Variants in PSTPIP1 observed in about 807,000 individuals in gnomAD.
PSTPIP1 encodes the protein proline-serine-threonine phosphatase interacting protein 1, also known as proline-serine-threonine phosphatase-interacting protein 1.
A neutral mutation model predicts 69.6 loss-of-function variants in PSTPIP1; 66 were observed. The ratio of observed to expected loss-of-function variants is 0.95; its 90% CI spans 0.78 to 1.16. PSTPIP1 has a LOEUF of 1.16. Ranked by LOEUF, PSTPIP1 falls within the 50% of genes most tolerant of loss-of-function variation. The probability of loss-of-function intolerance (pLI) is 0.00; values close to 1 mark genes in which losing one functional copy is unlikely to be tolerated. For synonymous variants in PSTPIP1, 266 were observed against 222.7 expected, an observed-to-expected ratio of 1.19 and a Z score of -1.73; for missense variants, 603 against 557.4, an observed-to-expected ratio of 1.08 and a Z score of -0.82.
chr15:77,028,734 C>CTT, intron 7 of PSTPIP1, 82 bp downstream of exon 7: 1 of 1,208,526 alleles, frequency 8.3e-7, no homozygotes, highest in Non-Finnish European at 1.1e-6. Flanking sequence ...GTAGACACCC[C>CTT]CAGGCAAGAT....
At position 77,037,272 on chromosome 15, in the gene PSTPIP1, CCCCCAG is replaced by C; in HGVS notation, c.*101_*106del. The C allele has an allele frequency of 6.9e-7, 1 of 1,456,586 alleles. No individual in the cohort carries two copies. The highest frequency in any genetic ancestry group is 2.5e-5 in the East Asian group (1 of 39,590). The allele number at this position is 1,456,586 out of a possible 1,614,324, so 90.2% of individuals were successfully genotyped here. A position where few individuals can be genotyped will look rare whatever the true frequency, so the allele number is the denominator to read the frequency against. ...CTTGCTAGGGCCCAGAACCAAGCGT[CCCCCAG>C]CCCCGAGAGGGAGCCTGTCGTCTCC... On this transcript the variant is annotated 3_prime_UTR_variant, in exon 15 of 15. Coordinates refer to ENST00000558012, the MANE Select transcript of PSTPIP1 (RefSeq NM_003978.5).
chr15:76,996,625 C>A (rs2075586309), intron 1 of PSTPIP1, among the ~76,000 whole-genome samples: 1 of 152,262 alleles, frequency 6.6e-6, no homozygotes, highest in Non-Finnish European at 1.5e-5. Flanking sequence ...TCCCTTCCGG[C>A]CGGCTCCACT....
upstream of PSTPIP1, chr15:76,994,938 C>A: frequency 8.0e-7 from 1 of 1,250,358 alleles, no homozygotes; most frequent in Non-Finnish European, 1.0e-6. Flanking sequence ...CCCCTCCTGG[C>A]CACACTGTCA....
At chr15:77,016,587 C>A (rs757507821) in intron 1 of PSTPIP1, among the ~76,000 whole-genome samples, 29 of 152,042 alleles carry the variant, frequency 1.9e-4, no homozygotes, top group Non-Finnish European at 3.1e-4. Flanking sequence ...CTGGACCAGG[C>A]CCTCCTCAGG....
rs575616847 is a variant in PSTPIP1 at position 77,027,006 on chromosome 15, G to C, written c.355-846G>C. On this transcript the variant is annotated intron_variant, in intron 5 of 14. Coordinates refer to ENST00000558012, the MANE Select transcript of PSTPIP1 (RefSeq NM_003978.5). This position sits in a 1 kb window ranked among gnomAD's most constrained non-coding sequence, Gnocchi z 4.3. ...TGAGCCTGTGTGTGTATGTGCGTGT[G>C]CCACAGAGCAAGGACATGTGCTTAC... 6.6e-6 allele frequency among the ~76,000 whole-genome samples: 1 copy of C among 152,382 alleles called. No homozygotes were observed. The highest frequency in any genetic ancestry group is 1.9e-4 in the East Asian group (1 of 5,190).
At chr15:77,012,345 C>A (rs995773075) in intron 1 of PSTPIP1, among the ~76,000 whole-genome samples, 7 of 150,944 alleles carry the variant, frequency 4.6e-5, no homozygotes, top group African/African-American at 1.7e-4. Context: ...GTCCACCTGT[C>A]CACCAGTCCA....
In PSTPIP1 at chr15:77,030,504, C is replaced by T. The variant is rs542018257; in HGVS notation, c.565C>T (p.Arg189Trp). The T allele has an allele frequency of 9.3e-6, 15 of 1,612,260 alleles. No individual in the cohort carries two copies. Among genetic ancestry groups the T allele is most frequent in the South Asian group, 5.5e-5 (5 of 90,900 alleles). Residue 189 changes from arginine (R) to tryptophan (W), a missense_variant and splice_region_variant, in exon 9 of 15, where the codon CGG becomes TGG. Transcript: ENST00000558012. Reference sequence around the variant, plus strand: ...CCTGAGGCTGCCTGCGCTTTCAGAGCGGGTATACAGGCAGAGCATTGCGCA... The same window carrying T: ...CCTGAGGCTGCCTGCGCTTTCAGAGTGGGTATACAGGCAGAGCATTGCGCA... ...QCKDSATEAE[R>W]VYRQSIAQLE...
chr15:77,023,031 C>T (rs948377773), intron 3 of PSTPIP1, among the ~76,000 whole-genome samples: 2 of 152,346 alleles, frequency 1.3e-5, no homozygotes, highest in African/African-American at 2.4e-5. Flanking sequence ...CAGTGCTGTA[C>T]GTTCAGGCAG....
chr15:77,028,378 C>T, intron 6 of PSTPIP1, 176 bp from the exon 7 acceptor site: 1 of 568,376 alleles, frequency 1.8e-6, no homozygotes, highest in Non-Finnish European at 3.1e-6. Flanking sequence ...CCAGCAGCCC[C>T]CACGCCTTCT....
At chr15:77,030,957 G>A (rs936057693) in intron 9 of PSTPIP1, among the ~76,000 whole-genome samples, 2 of 152,246 alleles carry the variant, frequency 1.3e-5, no homozygotes, top group Admixed American at 6.5e-5. Context: ...CAGCCTGAAG[G>A]GAGGCTGGGG....
Position 77,030,551 on chromosome 15 carries a change from G to C in PSTPIP1, c.612G>C (p.Glu204Asp). The C allele has an allele frequency of 6.2e-7, 1 of 1,611,160 alleles. No homozygotes were observed. Among genetic ancestry groups the C allele is most frequent in the Non-Finnish European group, 8.5e-7 (1 of 1,178,330 alleles). Residue 204 changes from glutamate to aspartate, a missense_variant, in exon 9 of 15, where the codon GAG becomes GAC. Transcript: ENST00000558012. The part of the protein sequence containing the change: ...SIAQLEKVRA[E>D]WEQEHRTTCE... ...CGCAGCTGGAGAAGGTCCGGGCTGA[G>C]TGGGAGCAGGAGCACCGGACCACCT...
intron 3 of PSTPIP1, among the ~76,000 whole-genome samples, chr15:77,022,982 C>T (rs972242463): frequency 6.6e-5 from 10 of 152,232 alleles, no homozygotes; most frequent in Non-Finnish European, 1.2e-4. Context: ...ACTGTCAAGA[C>T]TGTCCCAGGG....
Position 77,025,267 on chromosome 15 carries a change from A to C in PSTPIP1, c.213-17A>C, listed in dbSNP as rs201738448. The C allele has an allele frequency of 1.2e-6, 2 of 1,605,176 alleles. No individual in the cohort carries two copies. Among genetic ancestry groups the C allele is most frequent in the African/African-American group, 1.3e-5 (1 of 74,744 alleles). On this transcript the variant is annotated splice_polypyrimidine_tract_variant and intron_variant, in intron 3 of 14. Transcript: ENST00000558012. Reference sequence around the variant, plus strand: ...CTGTGCTCTCCTCCTCCTGACCTGGACCCATCTGTTTTGCAGCTCCCTGAG... The same window carrying C: ...CTGTGCTCTCCTCCTCCTGACCTGGCCCCATCTGTTTTGCAGCTCCCTGAG...
In PSTPIP1 at chr15:77,025,289, T is replaced by C. The variant is rs1344460790; in HGVS notation, c.218T>C (p.Leu73Pro). 1 of 1,610,746 alleles carries C rather than the reference T, an allele frequency of 6.2e-7. No homozygotes were observed. The highest frequency in any genetic ancestry group is 8.5e-7 in the Non-Finnish European group (1 of 1,177,078). ...KAGGQTEINSLRASFDSLKQQ... is the reference protein window; with the variant it reads ...KAGGQTEINSPRASFDSLKQQ... Reference sequence around the variant, plus strand: ...TGGACCCATCTGTTTTGCAGCTCCCTGAGGGCCTCCTTTGACTCCTTGAAG... The same window carrying C: ...TGGACCCATCTGTTTTGCAGCTCCCCGAGGGCCTCCTTTGACTCCTTGAAG... The change falls in exon 4 of 15, where the codon CTG becomes CCG. Residue 73 changes from leucine to proline, a missense_variant. Physicochemically the swap from Leu to Pro is moderately conservative, Grantham distance 98 (BLOSUM62 -3). Transcript: ENST00000558012.
chr15:77,007,681 G>T (rs530475106), intron 1 of PSTPIP1, among the ~76,000 whole-genome samples: 1 of 151,070 alleles, frequency 6.6e-6, no homozygotes, highest in East Asian at 2.0e-4. Context: ...TGCAAGCTCC[G>T]CCTCCTGGGT....
At chr15:77,020,868 T>TC (rs1467422758) in intron 3 of PSTPIP1, among the ~76,000 whole-genome samples, 17 of 115,468 alleles carry the variant, frequency 1.5e-4, no homozygotes, top group African/African-American at 5.0e-4. Flanking sequence ...TAGACTCCTG[T>TC]GGGGGGGGGG....
At chr15:76,999,155 C>G (rs1385416251) in intron 1 of PSTPIP1, among the ~76,000 whole-genome samples, 7 of 152,206 alleles carry the variant, frequency 4.6e-5, no homozygotes, top group African/African-American at 1.7e-4. Context: ...AAATGTCTGT[C>G]TGTATCCTCT....
At position 77,035,581 on chromosome 15, in the gene PSTPIP1, G is replaced by C; in HGVS notation, c.985+18G>C. 1 of 1,568,100 alleles carries C rather than the reference G, an allele frequency of 6.4e-7. No individual in the cohort carries two copies. The highest frequency in any genetic ancestry group is 8.6e-7 in the Non-Finnish European group (1 of 1,156,988). On this transcript the variant is annotated intron_variant, in intron 13 of 14. Coordinates refer to ENST00000558012, the MANE Select transcript of PSTPIP1 (RefSeq NM_003978.5). ...TTCTGCTGGTAAAGGGGGTCAGGAG[G>C]GGACCCCCAAACACACTGATCCTGG...
rs756426938 is a variant in PSTPIP1 at position 77,018,465 on chromosome 15, C to A, written c.146C>A (p.Ala49Glu). Residue 49 changes from alanine (A) to glutamate (E), a missense_variant, in exon 3 of 15, where the codon GCG (alanine) becomes GAG (glutamate). Coordinates refer to ENST00000558012, the MANE Select transcript of PSTPIP1 (RefSeq NM_003978.5). ...TGCCCTTTTTTTTGCAGGGCCCAGG[C>A]GGAGGAGCGGTACGGGAAGGAGCTG... is the stretch of plus-strand genomic sequence containing the variant. ...MEELLRQRAQ[A>E]EERYGKELVQ... The A allele has an allele frequency of 6.3e-7, 1 of 1,581,078 alleles. No homozygotes were observed. Among genetic ancestry groups the A allele is most frequent in the Non-Finnish European group, 8.6e-7 (1 of 1,163,532 alleles).
Sources: allele counts gnomAD v4.1 joint callset (sites outside exome capture counted in the v4.1 genomes callset), GRCh38; gene constraint gnomAD v4.1.1; non-coding constraint Gnocchi (gnomAD v3.1); transcripts MANE v1.5; gene names NCBI Gene and HGNC (gene_info 2026-07-23, HGNC 2026-07-21).